Variants in CACHD1 observed in about 807,000 individuals in gnomAD.
CACHD1 encodes the protein VWFA and cache domain-containing protein 1.
CACHD1 carries 71 observed loss-of-function variants against 138.7 expected under a neutral mutation model. The ratio of observed to expected loss-of-function variants is 0.51; its 90% CI spans 0.42 to 0.62. The LOEUF is 0.62. Among genes scored for constraint, CACHD1 ranks in the 20% least tolerant of loss-of-function variants. CACHD1 has a pLI of 0.00. For synonymous variants in CACHD1, 578 were observed against 591.5 expected, an observed-to-expected ratio of 0.98 and a Z score of 0.33; for missense variants, 1,389 against 1,625.3, an observed-to-expected ratio of 0.85 and a Z score of 2.50.
chr1:64,516,646 G>A (rs1361893287), intron 1 of CACHD1, among the ~76,000 whole-genome samples: 1 of 152,160 alleles, frequency 6.6e-6, no homozygotes, highest in Non-Finnish European at 1.5e-5. Context: ...TTATCTCTTG[G>A]TTTAGCTTAT....
chr1:64,635,633 G>A (rs561749067), intron 7 of CACHD1, among the ~76,000 whole-genome samples: 95 of 150,662 alleles, frequency 6.3e-4, no homozygotes, highest in Non-Finnish European at 1.0e-3. Context: ...CCCCCACCTC[G>A]GCCTCCCAAA....
intron 2 of CACHD1, among the ~76,000 whole-genome samples, chr1:64,564,069 G>A (rs1277190584): frequency 6.6e-6 from 1 of 152,152 alleles, no homozygotes; most frequent in Admixed American, 6.6e-5. Flanking sequence ...GGAACAGCAG[G>A]TGCAAGTAGA....
At chr1:64,509,576 T>TTTTA (rs1646403390) in intron 1 of CACHD1, among the ~76,000 whole-genome samples, 1 of 152,222 alleles carries the variant, frequency 6.6e-6, no homozygotes, top group African/African-American at 2.4e-5. Flanking sequence ...ATTTTATAAG[T>TTTTA]CTTTATTTTT....
At chr1:64,550,865 C>T (rs554861501) in intron 2 of CACHD1, among the ~76,000 whole-genome samples, 5 of 152,288 alleles carry the variant, frequency 3.3e-5, no homozygotes, top group East Asian at 3.9e-4. Context: ...CTGCTATCCA[C>T]GCTATAATTT....
intron 1 of CACHD1, among the ~76,000 whole-genome samples, chr1:64,511,081 C>T (rs1341594655): frequency 6.6e-6 from 1 of 152,128 alleles, no homozygotes; most frequent in East Asian, 1.9e-4. Context: ...TTGGACTGTG[C>T]TTATTTTTAG....
intron 26 of CACHD1, among the ~76,000 whole-genome samples, chr1:64,682,552 A>G (rs1184835321): frequency 6.6e-6 from 1 of 152,192 alleles, no homozygotes; most frequent in African/African-American, 2.4e-5. Flanking sequence ...GCAAGAAGCA[A>G]CATTTGCACT....
intron 3 of CACHD1, among the ~76,000 whole-genome samples, chr1:64,601,250 C>T (rs898639267): frequency 1.3e-5 from 2 of 152,186 alleles, no homozygotes; most frequent in African/African-American, 4.8e-5. Context: ...TTTATAAAAA[C>T]ATCAGGGAGG....
chr1:64,642,120 A>G, intron 8 of CACHD1, 151 bp downstream of exon 8: 1 of 571,240 alleles, frequency 1.8e-6, no homozygotes, highest in Non-Finnish European at 2.8e-6. Context: ...TGATGTTGGT[A>G]TTTAGGGTGT....
At chr1:64,473,021 G>T (rs1646154482) in intron 1 of CACHD1, among the ~76,000 whole-genome samples, 2 of 152,164 alleles carry the variant, frequency 1.3e-5, no homozygotes, top group South Asian at 4.1e-4. Flanking sequence ...TTAAAAGGCT[G>T]CCCTGTTGAA....
At chr1:64,487,946 A>G (rs1646252971) in intron 1 of CACHD1, among the ~76,000 whole-genome samples, 1 of 152,220 alleles carries the variant, frequency 6.6e-6, no homozygotes, top group Non-Finnish European at 1.5e-5. Context: ...TTTTATAGAT[A>G]GAACTGGGTT....
At chr1:64,510,225 A>G (rs1176674059) in intron 1 of CACHD1, among the ~76,000 whole-genome samples, 1 of 152,180 alleles carries the variant, frequency 6.6e-6, no homozygotes, top group Non-Finnish European at 1.5e-5. Flanking sequence ...AGTTGCTCCA[A>G]CAGCATTAAG....
chr1:64,688,947 T>C (rs1381583332), intron 26 of CACHD1, among the ~76,000 whole-genome samples: 1 of 152,174 alleles, frequency 6.6e-6, no homozygotes, highest in Non-Finnish European at 1.5e-5. Context: ...CTAAGCCAAG[T>C]CCATTGGCTT....
chr1:64,477,616 TTA>T (rs1491363599), intron 1 of CACHD1, among the ~76,000 whole-genome samples: 3 of 143,618 alleles, frequency 2.1e-5, no homozygotes, highest in Admixed American at 6.9e-5. Context: ...ATTATTATTA[TTA>T]TTATTATTTT....
At chr1:64,544,189 A>T (rs1646700449) in intron 1 of CACHD1, among the ~76,000 whole-genome samples, 2 of 152,176 alleles carry the variant, frequency 1.3e-5, no homozygotes, top group Non-Finnish European at 2.9e-5. Flanking sequence ...ACCCATAAAT[A>T]GCAAGAGAAT....
At chr1:64,680,985 A>G (rs1570479334) in intron 24 of CACHD1, among the ~76,000 whole-genome samples, 1 of 152,138 alleles carries the variant, frequency 6.6e-6, no homozygotes. Context: ...TTAGTAGAGG[A>G]TTAAAGATTT....
chr1:64,472,860 G>A (rs1050036340), intron 1 of CACHD1, among the ~76,000 whole-genome samples: 12 of 142,154 alleles, frequency 8.4e-5, no homozygotes, highest in African/African-American at 2.6e-4. Context: ...CCCCTATCCC[G>A]CCCCCCCACG....
chr1:64,594,088 T>C (rs1428835893), intron 3 of CACHD1, among the ~76,000 whole-genome samples: 1 of 151,990 alleles, frequency 6.6e-6, no homozygotes, highest in African/African-American at 2.4e-5. Context: ...ACCCCATCTC[T>C]ACAAAAAATA....
At chr1:64,483,681 CAAAAAAAA>C (rs10537125) in intron 1 of CACHD1, among the ~76,000 whole-genome samples, 10 of 58,202 alleles carry the variant, frequency 1.7e-4, no homozygotes, top group Non-Finnish European at 2.8e-4. Flanking sequence ...CTGTCTCTAC[CAAAAAAAA>C]AAAAAAAAAA....
At chr1:64,632,277 A>AAAG (rs1648336555) in intron 5 of CACHD1, among the ~76,000 whole-genome samples, 1 of 130,656 alleles carries the variant, frequency 7.7e-6, no homozygotes, top group African/African-American at 2.7e-5. Context: ...AAAAAAAAAA[A>AAAG]AGAGAGAAAA....
Sources: allele counts gnomAD v4.1 joint callset (sites outside exome capture counted in the v4.1 genomes callset), GRCh38; gene constraint gnomAD v4.1.1; transcripts MANE v1.5; gene names NCBI Gene and HGNC (gene_info 2026-07-23, HGNC 2026-07-21).